The following BLTP2 variants were observed in gnomAD, a reference collection of about 807,000 sequenced individuals.
The protein encoded by BLTP2 is U937-associated antigen.
chr17:28,642,530 A>G, the BLTP2 span: 1 of 589,446 alleles, frequency 1.7e-6, no homozygotes, highest in Admixed American at 2.9e-5. Flanking sequence ...GGCCGCCTGT[A>G]GTCCCAGCTA....
chr17:28,632,267 A>C, the BLTP2 span: 1 of 1,568,446 alleles, frequency 6.4e-7, no homozygotes. Flanking sequence ...GACATTTCCT[A>C]GTTATGGATG....
chr17:28,618,810 T>C, the BLTP2 span: 1 of 1,614,020 alleles, frequency 6.2e-7, no homozygotes, highest in Non-Finnish European at 8.5e-7. Context: ...GAGGAACCTC[T>C]GCAGTTCTAA....
chr17:28,619,851 A>G, the BLTP2 span: 2 of 1,613,910 alleles, frequency 1.2e-6, no homozygotes, highest in Non-Finnish European at 1.7e-6. Context: ...ATCTATCTGC[A>G]GTGACTACCT....
chr17:28,631,240 C>T, the BLTP2 span, among the ~76,000 whole-genome samples: 4 of 152,178 alleles, frequency 2.6e-5, no homozygotes, highest in African/African-American at 9.7e-5. Context: ...TGTGCTCTCT[C>T]TCCCTCTCTG....
At chr17:28,632,722 A>G in the BLTP2 span, among the ~76,000 whole-genome samples, 1 of 152,178 alleles carries the variant, frequency 6.6e-6, no homozygotes, top group South Asian at 2.1e-4. Flanking sequence ...CTTGTTGTTT[A>G]TAAGCTACCA....
chr17:28,639,443 G>A, the BLTP2 span: 1 of 1,612,078 alleles, frequency 6.2e-7, no homozygotes, highest in Non-Finnish European at 8.5e-7. Flanking sequence ...GGGAGGCTGA[G>A]AGGTCAATGG....
chr17:28,642,006 G>C, the BLTP2 span: 2 of 1,614,244 alleles, frequency 1.2e-6, no homozygotes, highest in Non-Finnish European at 8.5e-7. Flanking sequence ...ATAGCAGTGA[G>C]ATGCCGACTG....
At chr17:28,641,292 T>A in the BLTP2 span, among the ~76,000 whole-genome samples, 14 of 152,148 alleles carry the variant, frequency 9.2e-5, no homozygotes, top group South Asian at 2.1e-4. Flanking sequence ...AAAATCCACA[T>A]AAGTGGATCC....
chr17:28,635,143 C>G, the BLTP2 span: 5 of 1,613,962 alleles, frequency 3.1e-6, no homozygotes, highest in South Asian at 5.5e-5. Flanking sequence ...GAGCCAAACA[C>G]GGTTCCGGAG....
chr17:28,626,399 C>A, the BLTP2 span, among the ~76,000 whole-genome samples: 1 of 152,188 alleles, frequency 6.6e-6, no homozygotes, highest in Admixed American at 6.5e-5. Flanking sequence ...ATTTGGTCTT[C>A]CCTGCTTCCT....
At chr17:28,615,263 G>C in the BLTP2 span, 1 of 1,578,038 alleles carries the variant, frequency 6.3e-7, no homozygotes, top group Non-Finnish European at 8.6e-7. Context: ...GATTGGAGAG[G>C]AGTAAAAGAA....
chr17:28,639,399 T>C, the BLTP2 span: 6 of 1,613,920 alleles, frequency 3.7e-6, no homozygotes, highest in Admixed American at 1.7e-5. Flanking sequence ...GAATTCCTGG[T>C]GCCGGTAGTG....
At chr17:28,625,252 C>G in the BLTP2 span, among the ~76,000 whole-genome samples, 1 of 135,542 alleles carries the variant, frequency 7.4e-6, no homozygotes, top group African/African-American at 2.9e-5. Flanking sequence ...AGAAGAATAG[C>G]TTGAATCCAG....
the BLTP2 span, among the ~76,000 whole-genome samples, chr17:28,617,900 C>T: frequency 6.7e-6 from 1 of 150,304 alleles, no homozygotes; most frequent in South Asian, 2.1e-4. Context: ...AGTAGCTGGG[C>T]TTACAGGCAC....
At chr17:28,619,976 C>G in the BLTP2 span, 2 of 1,613,998 alleles carry the variant, frequency 1.2e-6, no homozygotes, top group African/African-American at 2.7e-5. Flanking sequence ...CTAGAGATCT[C>G]AAGCTGGAAC....
At chr17:28,638,648 T>C in the BLTP2 span, 6 of 1,523,974 alleles carry the variant, frequency 3.9e-6, no homozygotes, top group South Asian at 1.1e-5. Context: ...AGGTTCTGCA[T>C]AGGAACAAGA....
the BLTP2 span, among the ~76,000 whole-genome samples, chr17:28,622,939 G>T: frequency 6.6e-6 from 1 of 152,142 alleles, no homozygotes. Context: ...GCCGGGCATG[G>T]TGGGGCACGC....
chr17:28,631,284 A>G, the BLTP2 span, among the ~76,000 whole-genome samples: 1 of 152,210 alleles, frequency 6.6e-6, no homozygotes, highest in African/African-American at 2.4e-5. Context: ...AGCCATCTGC[A>G]AGCCAGGAAG....
chr17:28,627,582 T>C, the BLTP2 span, among the ~76,000 whole-genome samples: 3 of 152,128 alleles, frequency 2.0e-5, no homozygotes, highest in Admixed American at 2.0e-4. Flanking sequence ...AATTTTTTTG[T>C]ATTTTTAGTA....
Sources: gnomAD v4.1 joint callset for allele counts (sites outside exome capture counted in the v4.1 genomes callset) on GRCh38, gnomAD v4.1.1 for gene constraint, MANE v1.5 for transcripts, NCBI Gene and HGNC (gene_info 2026-07-23, HGNC 2026-07-21) for gene names.